UBIAD1: variants seen among roughly 807,000 people sequenced by gnomAD.
UBIAD1 encodes the protein ubiA prenyltransferase domain-containing protein 1.
Under a neutral mutation model 20.1 loss-of-function variants are expected in UBIAD1, and 12 were observed. That is an observed-to-expected ratio of 0.60 (90% CI 0.38 to 0.97). The LOEUF (loss-of-function observed/expected upper bound fraction) is 0.97, where lower values mean the gene tolerates loss of function less well. Ranked by LOEUF, UBIAD1 falls within the 50% of genes least tolerant of loss-of-function variation. The probability of loss-of-function intolerance (pLI) is 0.00; values close to 1 mark genes in which losing one functional copy is unlikely to be tolerated. For synonymous variants in UBIAD1, 207 were observed against 189.2 expected (o/e 1.09, Z -0.77); for missense variants, 333 against 419.5 (o/e 0.79, Z 1.80).
intron 1 of UBIAD1, among the ~76,000 whole-genome samples, chr1:11,277,971 G>GT (rs751325225): frequency 2.0e-5 from 3 of 151,336 alleles, no homozygotes; most frequent in Non-Finnish European, 2.9e-5. Context: ...TTCCTTTTTT[G>GT]TTTGAGATGG....
rs1354933435 is a variant in UBIAD1 at position 11,282,189 on chromosome 1, TC to T, written c.530-3454del. Among the ~76,000 whole-genome samples the T allele has an allele frequency of 6.6e-5, 10 of 152,210 alleles. No homozygotes were observed. In the East Asian group the frequency reaches 1.9e-3, roughly 29 times the overall value. On this transcript the variant is annotated intron_variant, in intron 1 of 1. Coordinates refer to ENST00000376810, the MANE Select transcript of UBIAD1 (RefSeq NM_013319.3). ...AACTGTTTTCTGAAGTGGTTGTACT[TC>T]TTTACACTCCCCCCAGCAAGTGTTC...
intron 1 of UBIAD1, among the ~76,000 whole-genome samples, chr1:11,279,694 G>T (rs1285416848): frequency 2.0e-5 from 3 of 152,268 alleles, no homozygotes; most frequent in Non-Finnish European, 4.4e-5. Context: ...GGGATTACAG[G>T]CATGAGCCAC....
In UBIAD1 at chr1:11,287,943, A is replaced by G. The variant is rs1328939347; in HGVS notation, c.*1812A>G. 1 of 150,100 alleles carries G rather than the reference A, an allele frequency of 6.7e-6. No individual in the cohort carries two copies. The allele number at this position is 150,100 out of a possible 1,614,324, so 9.3% of individuals were successfully genotyped here. ...GACTCCGTCTCAAAAAAAAAAAAAG[A>G]AAAAGAAAATTGCAAAAGTTCCTCT... is the stretch of plus-strand genomic sequence containing the variant. On this transcript the variant is annotated 3_prime_UTR_variant, in exon 2 of 2. Transcript: ENST00000376810.
chr1:11,289,753 A>G (rs1171827881), downstream of UBIAD1, among the ~76,000 whole-genome samples: 18 of 150,920 alleles, frequency 1.2e-4, no homozygotes, highest in Admixed American at 1.2e-3. Context: ...TATGTTTTAT[A>G]TATATCTCAC....
chr1:11,278,584 A>T, intron 1 of UBIAD1: 1 of 1,307,272 alleles, frequency 7.6e-7, no homozygotes. Context: ...GGTTGTTGAT[A>T]TAAGACAAGT....
Position 11,279,316 on chromosome 1 carries a change from G to A in UBIAD1, c.529+5256G>A, listed in dbSNP as rs183552976. On this transcript the variant is annotated intron_variant, in intron 1 of 1. Transcript: ENST00000376810. ...GCATAACTCAAAGGTTTTGACCTGA[G>A]AACTGGAAGATACCATCTGGAGTGA... The A allele has an allele frequency of 2.7e-4, 59 of 214,750 alleles. No homozygotes were observed. The East Asian group carries it at 6.1e-3, about 22-fold the overall frequency. The allele number at this position is 214,750 out of a possible 1,614,324, so 13.3% of individuals were successfully genotyped here.
chr1:11,284,807 GAGATT>G (rs1638224721), intron 1 of UBIAD1, among the ~76,000 whole-genome samples: 1 of 152,094 alleles, frequency 6.6e-6, no homozygotes, highest in Non-Finnish European at 1.5e-5. Flanking sequence ...CGCCTTTTTA[GAGATT>G]AGATTAGGGA....
intron 1 of UBIAD1, among the ~76,000 whole-genome samples, chr1:11,282,650 G>A (rs1203265990): frequency 6.7e-6 from 1 of 148,634 alleles, no homozygotes; most frequent in African/African-American, 2.5e-5. Flanking sequence ...TGCAACCTCT[G>A]CCTCCTGGTT....
At chr1:11,281,598 T>G (rs1373894404) in intron 1 of UBIAD1, among the ~76,000 whole-genome samples, 1 of 152,100 alleles carries the variant, frequency 6.6e-6, no homozygotes, top group East Asian at 1.9e-4. Context: ...AATGCACAGG[T>G]TTTTAGTGTT....
At chr1:11,283,781 G>A (rs948343321) in intron 1 of UBIAD1, among the ~76,000 whole-genome samples, 3 of 152,058 alleles carry the variant, frequency 2.0e-5, no homozygotes, top group African/African-American at 7.2e-5. Context: ...TGTCATTTTA[G>A]ACTGGTTAAA....
chr1:11,283,263 C>G (rs1359474867), intron 1 of UBIAD1, among the ~76,000 whole-genome samples: 2 of 152,182 alleles, frequency 1.3e-5, no homozygotes, highest in East Asian at 3.9e-4. Flanking sequence ...ACAGCCAGAC[C>G]AGTGGCGTCA....
chr1:11,278,106 T>A (rs1652118595), intron 1 of UBIAD1, among the ~76,000 whole-genome samples: 1 of 152,044 alleles, frequency 6.6e-6, no homozygotes, highest in Non-Finnish European at 1.5e-5. Flanking sequence ...TACAGGCGCG[T>A]GCTACCACGC....
At chr1:11,284,880 C>T (rs1244558774) in intron 1 of UBIAD1, among the ~76,000 whole-genome samples, 1 of 152,024 alleles carries the variant, frequency 6.6e-6, no homozygotes, top group African/African-American at 2.4e-5. Flanking sequence ...GAGGATGTTG[C>T]AGTATCCCAG....
At position 11,273,355 on chromosome 1, in the gene UBIAD1, C is replaced by T; in HGVS notation, c.-177C>T. The T allele has an allele frequency of 1.4e-6, 1 of 701,186 alleles. No homozygotes were observed. The highest frequency in any genetic ancestry group is 2.6e-5 in the Admixed American group (1 of 38,564). 43.4% of individuals were successfully genotyped at this position (701,186 alleles called of 1,614,324 possible). On this transcript the variant is annotated 5_prime_UTR_variant, in exon 1 of 2. Coordinates refer to ENST00000376810, the MANE Select transcript of UBIAD1 (RefSeq NM_013319.3). This position sits in a 1 kb window ranked among gnomAD's most constrained non-coding sequence, Gnocchi z 4.9. ...TAGTAGGGGCGGCGCCGCTTGGCCTCGTGGGGTGTAAGACCCACTTGCTGT... is the reference window on the plus strand; with the variant it reads ...TAGTAGGGGCGGCGCCGCTTGGCCTTGTGGGGTGTAAGACCCACTTGCTGT...
downstream of UBIAD1, chr1:11,296,056 T>C (rs961714761): frequency 6.6e-6 from 1 of 152,220 alleles, no homozygotes; most frequent in African/African-American, 2.4e-5. Flanking sequence ...CTGCGATCAA[T>C]TCACTATCTA....
intron 1 of UBIAD1, among the ~76,000 whole-genome samples, chr1:11,276,157 G>GA (rs1652019341): frequency 6.6e-6 from 1 of 152,120 alleles, no homozygotes; most frequent in Non-Finnish European, 1.5e-5. Context: ...GACCAAGTAG[G>GA]AAGCTCTTGA....
intron 1 of UBIAD1, among the ~76,000 whole-genome samples, chr1:11,283,032 T>C (rs978200832): frequency 2.6e-5 from 4 of 151,592 alleles, no homozygotes; most frequent in African/African-American, 9.7e-5. Context: ...GGCTAATTTT[T>C]TGTATTTTTA....
Position 11,286,321 on chromosome 1 carries a change from A to T in UBIAD1, c.*190A>T, listed in dbSNP as rs1343543771. On this transcript the variant is annotated 3_prime_UTR_variant, in exon 2 of 2. Transcript: ENST00000376810. ...TTCTGTTTTTTGTTTTTTCCATTTT[A>T]TGGGGAATTTAAAAACCATTCTTGT... is the stretch of plus-strand genomic sequence containing the variant. The T allele has an allele frequency of 1.3e-6, 1 of 741,432 alleles. No homozygotes were observed. The highest frequency in any genetic ancestry group is 1.8e-5 in the African/African-American group (1 of 56,442). The allele number at this position is 741,432 out of a possible 1,614,324, so 45.9% of individuals were successfully genotyped here. A position where few individuals can be genotyped will look rare whatever the true frequency, so the allele number is the denominator to read the frequency against.
downstream of UBIAD1, among the ~76,000 whole-genome samples, chr1:11,297,744 G>A (rs1285248251): frequency 3.3e-5 from 5 of 152,044 alleles, no homozygotes; most frequent in Middle Eastern, 3.2e-3. Context: ...TTGAGAATGC[G>A]CTGAAGAAGT....
Sources: gnomAD v4.1 joint callset for allele counts (sites outside exome capture counted in the v4.1 genomes callset) on GRCh38, gnomAD v4.1.1 for gene constraint, Gnocchi (gnomAD v3.1) non-coding constraint, MANE v1.5 for transcripts, NCBI Gene and HGNC (gene_info 2026-07-23, HGNC 2026-07-21) for gene names.